Variants in STEAP3 observed in about 807,000 individuals in gnomAD.
STEAP3 encodes metalloreductase STEAP3.
In STEAP3, 35 loss-of-function variants were observed where a neutral mutation model predicts 34.9. The observed-to-expected ratio is 1.00, with a 90% confidence interval of 0.76 to 1.33. The LOEUF is 1.33. Among genes scored for constraint, STEAP3 ranks in the 40% most tolerant of loss-of-function variants. STEAP3 has a pLI of 0.00. For synonymous variants in STEAP3, 281 were observed against 301.6 expected, an observed-to-expected ratio of 0.93 and a Z score of 0.71; for missense variants, 652 against 667.6, an observed-to-expected ratio of 0.98 and a Z score of 0.26.
At chr2:119,247,087 T>G (rs1048594701) in intron 3 of STEAP3, among the ~76,000 whole-genome samples, 5 of 152,126 alleles carry the variant, frequency 3.3e-5, no homozygotes, top group African/African-American at 1.2e-4. Context: ...TGCTTGGGGA[T>G]CTGAGGACTG....
chr2:119,250,407 G>A (rs1223416919), intron 4 of STEAP3, among the ~76,000 whole-genome samples: 1 of 152,198 alleles, frequency 6.6e-6, no homozygotes, highest in East Asian at 1.9e-4. Context: ...TTGTCCTCGA[G>A]GCCCTGATGT....
In STEAP3 at chr2:119,263,608, T is replaced by C. The variant is rs759873019; in HGVS notation, c.*270T>C. 5.5e-6 allele frequency: 3 copies of C among 542,126 alleles called. No homozygotes were observed. The highest frequency in any genetic ancestry group is 2.0e-5 in the South Asian group (1 of 49,634). 33.6% of individuals were successfully genotyped at this position (542,126 alleles called of 1,614,324 possible). ...GTTGGGTCTCTGAGATTTCAACTTG[T>C]AGATTTAAAAACAAGTGCCGTACGT... On this transcript the variant is annotated 3_prime_UTR_variant, in exon 6 of 6. Transcript: ENST00000393110.
chr2:119,260,190 A>C (rs1038331790), intron 5 of STEAP3, among the ~76,000 whole-genome samples: 2 of 151,984 alleles, frequency 1.3e-5, no homozygotes, highest in African/African-American at 4.8e-5. Flanking sequence ...GGCATCACCC[A>C]GCCATCTTGG....
chr2:119,225,295 G>A (rs1335839785), intron 1 of STEAP3, among the ~76,000 whole-genome samples: 1 of 152,216 alleles, frequency 6.6e-6, no homozygotes, highest in African/African-American at 2.4e-5. Context: ...AAGTGGGCGG[G>A]GTGGGGTAGA....
intron 5 of STEAP3, among the ~76,000 whole-genome samples, chr2:119,258,223 A>G (rs1271073089): frequency 6.6e-6 from 1 of 152,136 alleles, no homozygotes; most frequent in Non-Finnish European, 1.5e-5. Flanking sequence ...ATGCATTATA[A>G]TTAGTGTATA....
chr2:119,253,917 G>A (rs988824660), intron 4 of STEAP3, among the ~76,000 whole-genome samples: 1 of 152,170 alleles, frequency 6.6e-6, no homozygotes, highest in Non-Finnish European at 1.5e-5. Flanking sequence ...CTTCGTAAGT[G>A]GTCACTGAAC....
At chr2:119,257,612 T>C (rs545578671) in intron 5 of STEAP3, 7 of 1,507,166 alleles carry the variant, frequency 4.6e-6, no homozygotes, top group Non-Finnish European at 4.4e-6. Context: ...CCACCCCATA[T>C]GGTCATCAAG....
intron 4 of STEAP3, chr2:119,249,023 G>GT (rs1677540869): frequency 1.3e-5 from 2 of 150,420 alleles, no homozygotes; most frequent in African/African-American, 4.9e-5. Flanking sequence ...CCGCTGGAAT[G>GT]GCCCCAGGGT....
chr2:119,251,009 C>T (rs1045887993), intron 4 of STEAP3, among the ~76,000 whole-genome samples: 4 of 152,158 alleles, frequency 2.6e-5, no homozygotes, highest in African/African-American at 9.7e-5. Flanking sequence ...CGGAGGGAGG[C>T]AGGGGCTTGA....
At chr2:119,241,731 G>A (rs1478076505) in intron 2 of STEAP3, among the ~76,000 whole-genome samples, 3 of 152,202 alleles carry the variant, frequency 2.0e-5, no homozygotes, top group African/African-American at 7.2e-5. Flanking sequence ...CCCTGGAAGG[G>A]AGCAGATGCC....
chr2:119,260,638 A>G (rs1409343490), intron 5 of STEAP3, among the ~76,000 whole-genome samples: 2 of 152,172 alleles, frequency 1.3e-5, no homozygotes, highest in African/African-American at 4.8e-5. Flanking sequence ...TTTTTTAACC[A>G]CAGTCTTCCA....
At chr2:119,246,052 G>A in intron 3 of STEAP3, 64 bp downstream of exon 3, 2 of 1,541,472 alleles carry the variant, frequency 1.3e-6, no homozygotes, top group Non-Finnish European at 1.7e-6. Context: ...TTCATCGAGT[G>A]CTGCCAGCAT....
At position 119,264,356 on chromosome 2, in the gene STEAP3, G is replaced by A. The variant is rs1208068631; in HGVS notation, c.*1018G>A. The stretch of plus-strand genomic sequence containing the variant: ...ACTGTCTTCACGAAGTCAGTCCTGA[G>A]GAAAAATATTGGGGACTCCAAATGT... On this transcript the variant is annotated 3_prime_UTR_variant, in exon 6 of 6. Coordinates refer to ENST00000393110, the MANE Select transcript of STEAP3 (RefSeq NM_182915.3). The A allele has an allele frequency of 6.6e-6, 1 of 152,318 alleles. No homozygotes were observed. Among genetic ancestry groups the A allele is most frequent in the Non-Finnish European group, 1.5e-5 (1 of 68,078 alleles). The allele number at this position is 152,318 out of a possible 1,614,324, so 9.4% of individuals were successfully genotyped here.
intron 1 of STEAP3, among the ~76,000 whole-genome samples, chr2:119,227,442 G>A (rs1049843361): frequency 1.3e-5 from 2 of 152,138 alleles, no homozygotes; most frequent in African/African-American, 2.4e-5. Context: ...AGAATTGTTC[G>A]ATACTCAACT....
At chr2:119,262,126 T>C (rs1384673331) in intron 5 of STEAP3, among the ~76,000 whole-genome samples, 2 of 152,168 alleles carry the variant, frequency 1.3e-5, no homozygotes, top group African/African-American at 4.8e-5. Flanking sequence ...ACAGGCCCCG[T>C]GAGTCCCCTT....
At chr2:119,232,214 C>T (rs1676961292) in intron 2 of STEAP3, among the ~76,000 whole-genome samples, 1 of 152,208 alleles carries the variant, frequency 6.6e-6, no homozygotes, top group Admixed American at 6.5e-5. Context: ...ACCCTCCCCA[C>T]CCCAGAGGCA....
intron 2 of STEAP3, among the ~76,000 whole-genome samples, chr2:119,231,432 T>A (rs376430450): frequency 6.6e-6 from 1 of 151,332 alleles, no homozygotes; most frequent in African/African-American, 2.4e-5. Flanking sequence ...TGCAGGCCCA[T>A]TGGGAATTGT....
chr2:119,233,471 A>C (rs1677004052), intron 2 of STEAP3, among the ~76,000 whole-genome samples: 1 of 152,132 alleles, frequency 6.6e-6, no homozygotes, highest in Admixed American at 6.5e-5. Flanking sequence ...TTATTTCATC[A>C]CCACTGAGTA....
intron 1 of STEAP3, among the ~76,000 whole-genome samples, chr2:119,224,243 G>A (rs575235366): frequency 8.9e-4 from 135 of 152,332 alleles, no homozygotes; most frequent in African/African-American, 3.1e-3. Flanking sequence ...GTGCCCCACG[G>A]CTGGGGCTCT....
Sources: allele counts gnomAD v4.1 joint callset (sites outside exome capture counted in the v4.1 genomes callset), GRCh38; gene constraint gnomAD v4.1.1; transcripts MANE v1.5; gene names NCBI Gene and HGNC (gene_info 2026-07-23, HGNC 2026-07-21).